The following DYNC2H1 variants were observed in gnomAD, a reference collection of about 807,000 sequenced individuals.
DYNC2H1 encodes dynein cytoplasmic 2 heavy chain 1.
In DYNC2H1, 410 loss-of-function variants were observed where a neutral mutation model predicts 570.0. The ratio of observed to expected loss-of-function variants is 0.72; its 90% CI spans 0.66 to 0.78. DYNC2H1 has a LOEUF of 0.78. Ranked by LOEUF, DYNC2H1 falls within the 30% of genes least tolerant of loss-of-function variation. The pLI, the probability that DYNC2H1 is intolerant of heterozygous loss-of-function variation, is 0.00. For synonymous variants in DYNC2H1, 1,688 were observed against 1,677.6 expected (o/e 1.01, Z -0.15); for missense variants, 4,865 against 5,046.4 (o/e 0.96, Z 1.09).
At chr11:103,452,295 G>T (rs1944634191) in intron 85 of DYNC2H1, among the ~76,000 whole-genome samples, 1 of 151,838 alleles carries the variant, frequency 6.6e-6, no homozygotes, top group Non-Finnish European at 1.5e-5. Flanking sequence ...AAACTTTAAA[G>T]GAATTTTTCC....
intron 84 of DYNC2H1, among the ~76,000 whole-genome samples, chr11:103,412,502 C>T (rs1260818880): frequency 6.6e-6 from 1 of 152,078 alleles, no homozygotes; most frequent in Non-Finnish European, 1.5e-5. Context: ...TGAATAATCA[C>T]TAAGAGAATG....
intron 83 of DYNC2H1, among the ~76,000 whole-genome samples, chr11:103,377,313 A>AT (rs1183689072): frequency 6.6e-6 from 1 of 151,252 alleles, no homozygotes; most frequent in African/African-American, 2.4e-5. Flanking sequence ...TGCTCCTCTT[A>AT]TTTTTTCCCC....
intron 87 of DYNC2H1, among the ~76,000 whole-genome samples, chr11:103,456,825 A>G (rs1944805803): frequency 6.6e-6 from 1 of 152,158 alleles, no homozygotes; most frequent in Non-Finnish European, 1.5e-5. Flanking sequence ...TTGCTTTCTG[A>G]TGGTTCAGTG....
At chr11:103,149,072 G>GTAAATAAA (rs1247149502) in intron 20 of DYNC2H1, among the ~76,000 whole-genome samples, 31 of 152,014 alleles carry the variant, frequency 2.0e-4, no homozygotes, top group African/African-American at 7.2e-4. Flanking sequence ...AAATAAATAA[G>GTAAATAAA]TAAATAAATA....
chr11:103,298,420 C>G (rs1288994991), intron 75 of DYNC2H1, among the ~76,000 whole-genome samples: 3 of 151,984 alleles, frequency 2.0e-5, no homozygotes, highest in Non-Finnish European at 4.4e-5. Context: ...TATAGTTTAA[C>G]TCCCCATCAA....
chr11:103,399,520 C>T, intron 83 of DYNC2H1, 143 bp from the exon 84 acceptor site: 2 of 638,092 alleles, frequency 3.1e-6, no homozygotes, highest in East Asian at 2.8e-5. Context: ...TGACTTAATA[C>T]ATTTGACCGT....
chr11:103,287,921 A>G (rs61898238), intron 75 of DYNC2H1, among the ~76,000 whole-genome samples: 1,977 of 152,206 alleles, frequency 0.013, 23 homozygotes, highest in South Asian at 0.026. Context: ...TTTTATTATT[A>G]CTCAAATCAG....
chr11:103,234,583 T>G (rs1192651401), intron 61 of DYNC2H1, among the ~76,000 whole-genome samples: 1 of 151,942 alleles, frequency 6.6e-6, no homozygotes, highest in Non-Finnish European at 1.5e-5. Context: ...TGAAATCAGT[T>G]AAGCTTCCTT....
At chr11:103,304,565 TA>T in intron 76 of DYNC2H1, 29 bp from the exon 77 acceptor site, 2 of 1,602,744 alleles carry the variant, frequency 1.2e-6, no homozygotes, top group South Asian at 2.2e-5. Flanking sequence ...GATCTGTTTT[TA>T]AATTTTGTTT....
At chr11:103,295,614 C>A (rs1430240925) in intron 75 of DYNC2H1, among the ~76,000 whole-genome samples, 1 of 152,204 alleles carries the variant, frequency 6.6e-6, no homozygotes, top group African/African-American at 2.4e-5. Flanking sequence ...AAGGCCTGAG[C>A]TACAGCCACC....
intron 67 of DYNC2H1, 142 bp from the exon 68 acceptor site, chr11:103,255,964 A>T: frequency 1.6e-6 from 1 of 636,724 alleles, no homozygotes; most frequent in Non-Finnish European, 2.5e-6. Context: ...ATAAAACTTT[A>T]AGAGGGCTAT....
chr11:103,189,612 A>C lies in DYNC2H1; in HGVS notation c.7293-60A>C, dbSNP rs1424183466. On this transcript the variant is annotated intron_variant, in intron 44 of 88. Coordinates refer to ENST00000375735, the MANE Select transcript of DYNC2H1 (RefSeq NM_001377.3). The surrounding 1 kb of genome is among the most constrained non-coding windows in gnomAD (Gnocchi z 4.3). ...AAACCACTGTTGTAACTTAACATTG[A>C]AATATTAATTTGGAATACTGATTTA... The C allele has an allele frequency of 6.5e-7, 1 of 1,529,694 alleles. No individual in the cohort carries two copies. Among genetic ancestry groups the C allele is most frequent in the Non-Finnish European group, 9.0e-7 (1 of 1,115,540 alleles). 94.8% of individuals were successfully genotyped at this position (1,529,694 alleles called of 1,614,324 possible).
At position 103,205,204 on chromosome 11, in the gene DYNC2H1, T is replaced by G. The variant is rs545228891; in HGVS notation, c.8454+240T>G. Among the ~76,000 whole-genome samples the G allele has an allele frequency of 4.7e-4, 72 of 152,254 alleles. No homozygotes were observed. The highest frequency in any genetic ancestry group is 1.6e-3 in the African/African-American group (67 of 41,568). ...CCCAGAGACAACTATACTTTAAAAT[T>G]TTATGGCTTTAATTAACTAGCCTAT... On this transcript the variant is annotated intron_variant, in intron 52 of 88. Transcript: ENST00000375735. This position sits in a 1 kb window ranked among gnomAD's most constrained non-coding sequence, Gnocchi z 4.5.
At position 103,207,247 on chromosome 11, in the gene DYNC2H1, A is replaced by ATTTT. The variant is rs1330115447; in HGVS notation, c.8454+2283_8454+2284insTTTT. On this transcript the variant is annotated intron_variant, in intron 52 of 88. Coordinates refer to ENST00000375735, the MANE Select transcript of DYNC2H1 (RefSeq NM_001377.3). Reference sequence around the variant, plus strand: ...TGTTTTTTTTTTTTTTTTTTTAAAAAAAGATGGGACACACTATAGTATGTT... The same window carrying ATTTT: ...TGTTTTTTTTTTTTTTTTTTTAAAAATTTTAAGATGGGACACACTATAGTATGTT... Among the ~76,000 whole-genome samples, 6 of 97,200 alleles carry ATTTT rather than the reference A, an allele frequency of 6.2e-5. No individual in the cohort carries two copies. In the East Asian group the frequency reaches 1.6e-3, roughly 26 times the overall value. 63.8% of individuals were successfully genotyped at this position (97,200 alleles called of 152,430 possible).
chr11:103,471,257 T>A (rs934261890), intron 88 of DYNC2H1, among the ~76,000 whole-genome samples: 1 of 152,146 alleles, frequency 6.6e-6, no homozygotes, highest in African/African-American at 2.4e-5. Context: ...CCCCACCTCC[T>A]TTTTCCCCTT....
At chr11:103,116,897 A>C (rs1489081248) in intron 5 of DYNC2H1, among the ~76,000 whole-genome samples, 183 bp downstream of exon 5, 1 of 151,916 alleles carries the variant, frequency 6.6e-6, no homozygotes, top group Non-Finnish European at 1.5e-5. Context: ...ATATGTGTCA[A>C]ATTCTTTGAA....
chr11:103,257,637 G>T lies in DYNC2H1; in HGVS notation c.10491G>T (p.Glu3497Asp). Residue 3497 changes from glutamate to aspartate, a missense_variant, in exon 69 of 89, where the codon GAG becomes GAT. This residue lies in a region of DYNC2H1 where 2,401 missense variants were observed against 2,454.6 expected (regional missense o/e 0.98). Coordinates refer to ENST00000375735, the MANE Select transcript of DYNC2H1 (RefSeq NM_001377.3). ...QERDAYLPLA[E>D]SASKMYFIIS... Reference sequence around the variant, plus strand: ...GGGATGCCTATCTCCCCCTGGCTGAGAGTGCCAGCAAGATGTACTTCATTA... The same window carrying T: ...GGGATGCCTATCTCCCCCTGGCTGATAGTGCCAGCAAGATGTACTTCATTA... The T allele has an allele frequency of 6.2e-7, 1 of 1,612,670 alleles. No homozygotes were observed. The highest frequency in any genetic ancestry group is 8.5e-7 in the Non-Finnish European group (1 of 1,179,068).
In DYNC2H1 at chr11:103,206,961, G is replaced by A. The variant is rs900578842; in HGVS notation, c.8454+1997G>A. On this transcript the variant is annotated intron_variant, in intron 52 of 88. Coordinates refer to ENST00000375735, the MANE Select transcript of DYNC2H1 (RefSeq NM_001377.3). ...TTCCAAGACAGAGTCTTGCTCTGTC[G>A]CCCAGGCTGGAGTGTGGTTGTGCAA... 2.4e-4 allele frequency among the ~76,000 whole-genome samples: 36 copies of A among 152,016 alleles called. 1 individual carries two copies. The highest frequency in any genetic ancestry group is 2.3e-3 in the South Asian group (11 of 4,804).
At chr11:103,417,952 A>G (rs1943348191) in intron 84 of DYNC2H1, among the ~76,000 whole-genome samples, 1 of 151,990 alleles carries the variant, frequency 6.6e-6, no homozygotes, top group Admixed American at 6.6e-5. Flanking sequence ...ATCTCAATAC[A>G]GAAAAATCAT....
Sources: gnomAD v4.1 joint callset for allele counts (sites outside exome capture counted in the v4.1 genomes callset) on GRCh38, gnomAD v4.1.1 for gene constraint, gnomAD v4.1.1 regional missense constraint, Gnocchi (gnomAD v3.1) non-coding constraint, MANE v1.5 for transcripts, NCBI Gene and HGNC (gene_info 2026-07-23, HGNC 2026-07-21) for gene names.